The following SKAP2 variants were observed in gnomAD, a reference collection of about 807,000 sequenced individuals.
SKAP2 encodes src kinase associated phosphoprotein 2.
SKAP2 carries 28 observed loss-of-function variants against 54.9 expected under a neutral mutation model. The observed-to-expected ratio is 0.51, with a 90% CI of 0.38 to 0.70. The LOEUF (loss-of-function observed/expected upper bound fraction) is 0.70, where lower values mean the gene tolerates loss of function less well. Among genes scored for constraint, SKAP2 ranks in the 30% least tolerant of loss-of-function variants. The pLI is 0.00. For synonymous variants in SKAP2, 137 were observed against 134.3 expected (o/e 1.02, Z -0.14); for missense variants, 356 against 424.1 (o/e 0.84, Z 1.41).
At chr7:26,767,079 C>A (rs1783074395) in intron 4 of SKAP2, among the ~76,000 whole-genome samples, 1 of 152,146 alleles carries the variant, frequency 6.6e-6, no homozygotes, top group African/African-American at 2.4e-5. Context: ...TACAATTCGC[C>A]TGTGAATCCA....
intron 4 of SKAP2, among the ~76,000 whole-genome samples, chr7:26,793,317 C>T (rs1309511985): frequency 1.3e-5 from 2 of 152,188 alleles, no homozygotes; most frequent in Non-Finnish European, 2.9e-5. Context: ...CTTTCCTTAA[C>T]CCTATGCTCT....
chr7:26,751,124 CAG>C (rs1782672892), intron 4 of SKAP2, among the ~76,000 whole-genome samples: 2 of 151,936 alleles, frequency 1.3e-5, no homozygotes, highest in African/African-American at 2.4e-5. Flanking sequence ...TAGGAATATG[CAG>C]AGTTATAATG....
At chr7:26,678,643 G>A (rs1468023893) in intron 11 of SKAP2, among the ~76,000 whole-genome samples, 1 of 151,944 alleles carries the variant, frequency 6.6e-6, no homozygotes, top group Non-Finnish European at 1.5e-5. Flanking sequence ...GTTTCACCAT[G>A]TTGGCCAGGT....
chr7:26,786,974 C>T (rs563784295), intron 4 of SKAP2, among the ~76,000 whole-genome samples: 78 of 152,210 alleles, frequency 5.1e-4, no homozygotes, highest in Middle Eastern at 3.4e-3. Flanking sequence ...CATTTGAACA[C>T]ATTATATATC....
intron 4 of SKAP2, among the ~76,000 whole-genome samples, chr7:26,786,468 T>G (rs1584389144): frequency 1.3e-5 from 2 of 152,294 alleles, no homozygotes; most frequent in East Asian, 3.9e-4. Flanking sequence ...AAGGGTTGTC[T>G]GGGATGACCT....
intron 9 of SKAP2, among the ~76,000 whole-genome samples, chr7:26,714,962 A>C (rs1242758260): frequency 6.6e-6 from 1 of 152,164 alleles, no homozygotes; most frequent in Non-Finnish European, 1.5e-5. Context: ...GACTGTTAGA[A>C]GCTATGTCTT....
At chr7:26,701,064 G>A (rs1787011571) in intron 9 of SKAP2, among the ~76,000 whole-genome samples, 1 of 152,154 alleles carries the variant, frequency 6.6e-6, no homozygotes, top group African/African-American at 2.4e-5. Context: ...ATAAGGTACT[G>A]CAAACATTCC....
chr7:26,796,754 C>T (rs1467018791), intron 4 of SKAP2, among the ~76,000 whole-genome samples: 2 of 152,122 alleles, frequency 1.3e-5, no homozygotes, highest in Non-Finnish European at 2.9e-5. Flanking sequence ...GTATATAATA[C>T]ATATACAAAA....
intron 4 of SKAP2, among the ~76,000 whole-genome samples, chr7:26,840,588 A>G (rs1483066276): frequency 6.6e-6 from 1 of 152,118 alleles, no homozygotes; most frequent in African/African-American, 2.4e-5. Context: ...CTCTAACTTT[A>G]TCTGATTACT....
At chr7:26,757,640 T>C (rs1383839189) in intron 4 of SKAP2, among the ~76,000 whole-genome samples, 1 of 152,230 alleles carries the variant, frequency 6.6e-6, no homozygotes, top group Non-Finnish European at 1.5e-5. Context: ...TGGCTTAGGA[T>C]TGACTTGGCA....
At chr7:26,662,708 C>T (rs1786034357), downstream of SKAP2, among the ~76,000 whole-genome samples, 1 of 152,054 alleles carries the variant, frequency 6.6e-6, no homozygotes, top group Non-Finnish European at 1.5e-5. Flanking sequence ...AGCAAAGCAA[C>T]AGAGAGATAA....
intron 4 of SKAP2, among the ~76,000 whole-genome samples, chr7:26,829,484 A>G (rs1584414638): frequency 6.6e-6 from 1 of 152,268 alleles, no homozygotes; most frequent in African/African-American, 2.4e-5. Context: ...TAGAGGCTAC[A>G]GAGGGCCCTG....
intron 4 of SKAP2, among the ~76,000 whole-genome samples, chr7:26,761,692 C>T (rs968319319): frequency 6.6e-6 from 1 of 151,990 alleles, no homozygotes; most frequent in Non-Finnish European, 1.5e-5. Context: ...TGAGCTCAGG[C>T]GTTTGAGACC....
intron 4 of SKAP2, among the ~76,000 whole-genome samples, chr7:26,791,050 A>T (rs970413107): frequency 6.4e-5 from 6 of 93,928 alleles, no homozygotes; most frequent in Admixed American, 1.1e-4. Flanking sequence ...GTTTTAATTT[A>T]AAAAAAATCC....
chr7:26,775,623 T>C (rs957909328), intron 4 of SKAP2, among the ~76,000 whole-genome samples: 4 of 151,516 alleles, frequency 2.6e-5, no homozygotes, highest in Admixed American at 2.0e-4. Context: ...CCAGTCAAGA[T>C]CCTGAAAAGT....
intron 4 of SKAP2, among the ~76,000 whole-genome samples, chr7:26,763,944 C>A (rs1414535495): frequency 6.6e-6 from 1 of 152,070 alleles, no homozygotes. Context: ...ACTTATAAGA[C>A]CATCATCAAC....
intron 9 of SKAP2, among the ~76,000 whole-genome samples, chr7:26,707,584 C>A (rs1562582274): frequency 6.6e-6 from 1 of 152,058 alleles, no homozygotes; most frequent in Non-Finnish European, 1.5e-5. Flanking sequence ...TATGGTCAAC[C>A]AAGCTGAAAC....
At chr7:26,772,502 T>C (rs744612) in intron 4 of SKAP2, among the ~76,000 whole-genome samples, 57,718 of 152,128 alleles carry the variant, frequency 0.38, 11,564 homozygotes, top group Middle Eastern at 0.48. Context: ...TGTTCCTGTG[T>C]TAATTTGCTT....
chr7:26,855,113 C>A, intron 1 of SKAP2: 1 of 317,900 alleles, frequency 3.1e-6, no homozygotes, highest in Non-Finnish European at 5.8e-6. Context: ...TCTACTTATG[C>A]TTACCACAGC....
Sources: allele counts gnomAD v4.1 joint callset (sites outside exome capture counted in the v4.1 genomes callset), GRCh38; gene constraint gnomAD v4.1.1; transcripts MANE v1.5; gene names NCBI Gene and HGNC (gene_info 2026-07-23, HGNC 2026-07-21).